Variants in CYB5B observed in about 807,000 individuals in gnomAD.
CYB5B encodes the protein cytochrome b5 type B (outer mitochondrial membrane).
Under a neutral mutation model 21.3 loss-of-function variants are expected in CYB5B, and 14 were observed. The observed-to-expected ratio is 0.66, with a 90% CI of 0.43 to 1.03. The LOEUF (loss-of-function observed/expected upper bound fraction) is 1.03, where lower values mean the gene tolerates loss of function less well. Among genes scored for constraint, CYB5B ranks in the 50% least tolerant of loss-of-function variants. CYB5B has a pLI of 0.00. For missense variants in CYB5B, 166 were observed against 185.1 expected, an observed-to-expected ratio of 0.90 and a Z score of 0.60; for synonymous variants, 69 against 68.4, an observed-to-expected ratio of 1.01 and a Z score of -0.04.
chr16:69,463,694 A>T lies in CYB5B; in HGVS notation c.*1174A>T, dbSNP rs986769101. On this transcript the variant is annotated 3_prime_UTR_variant, in exon 5 of 5. Transcript: ENST00000307892. ...CCATATAAAATGGTATTTGAAAGTG[A>T]GAGTTCATGACAACAGACCGTTTTC... 6.6e-6 allele frequency: 1 copy of T among 152,248 alleles called. No individual in the cohort carries two copies. Among genetic ancestry groups the T allele is most frequent in the Non-Finnish European group, 1.5e-5 (1 of 68,012 alleles). 9.4% of individuals were successfully genotyped at this position (152,248 alleles called of 1,614,324 possible). A position where few individuals can be genotyped will look rare whatever the true frequency, so the allele number is the denominator to read the frequency against.
chr16:69,425,261 C>T (rs752367519), intron 1 of CYB5B, among the ~76,000 whole-genome samples: 6 of 152,132 alleles, frequency 3.9e-5, no homozygotes, highest in Non-Finnish European at 7.4e-5. Flanking sequence ...TTCCAGTGTG[C>T]CTTCTGAAGT....
In CYB5B at chr16:69,462,731, G is replaced by A. The variant is rs548935986; in HGVS notation, c.*211G>A. On this transcript the variant is annotated 3_prime_UTR_variant, in exon 5 of 5. Coordinates refer to ENST00000307892, the MANE Select transcript of CYB5B (RefSeq NM_030579.3). ...TCCCAAAGTACCTGCTCACTGTTCC[G>A]TGTTGAACAATTGCCGGTGTTTCCT... is the stretch of plus-strand genomic sequence containing the variant. 19 of 520,396 alleles carry A rather than the reference G, an allele frequency of 3.7e-5. No individual in the cohort carries two copies. The highest frequency in any genetic ancestry group is 1.2e-4 in the South Asian group (5 of 43,478). The allele number at this position is 520,396 out of a possible 1,614,324, so 32.2% of individuals were successfully genotyped here. A position where few individuals can be genotyped will look rare whatever the true frequency, so the allele number is the denominator to read the frequency against.
At chr16:69,457,009 C>T (rs1004299894) in intron 3 of CYB5B, among the ~76,000 whole-genome samples, 1 of 152,142 alleles carries the variant, frequency 6.6e-6, no homozygotes, top group Non-Finnish European at 1.5e-5. Flanking sequence ...ATGCCTCTTT[C>T]TCTTCTCTTT....
At chr16:69,434,684 T>G (rs1348247792) in intron 1 of CYB5B, among the ~76,000 whole-genome samples, 1 of 152,068 alleles carries the variant, frequency 6.6e-6, no homozygotes, top group Non-Finnish European at 1.5e-5. Context: ...GCCAACATAG[T>G]GAAACCCCAT....
chr16:69,424,828 G>A lies in CYB5B; in HGVS notation c.145G>A (p.Val49Ile). Residue 49 changes from valine to isoleucine, a missense_variant, in exon 1 of 5, where the codon GTC (valine) becomes ATC (isoleucine). By Grantham distance (29) the Val-to-Ile change is conservative. Transcript: ENST00000307892. Reference sequence around the variant, plus strand: ...ACTGTGGCTTGTGATCCATGGGCGAGTCTACGATGTCACCCGCTTCCTCAA... The same window carrying A: ...ACTGTGGCTTGTGATCCATGGGCGAATCTACGATGTCACCCGCTTCCTCAA... ...KELWLVIHGRVYDVTRFLNEH... is the reference protein window; with the variant it reads ...KELWLVIHGRIYDVTRFLNEH... 1 of 1,595,420 alleles carries A rather than the reference G, an allele frequency of 6.3e-7. No individual in the cohort carries two copies. The highest frequency in any genetic ancestry group is 8.5e-7 in the Non-Finnish European group (1 of 1,170,882).
At chr16:69,428,998 C>G (rs1435779322) in intron 1 of CYB5B, among the ~76,000 whole-genome samples, 1 of 152,122 alleles carries the variant, frequency 6.6e-6, no homozygotes, top group Non-Finnish European at 1.5e-5. Flanking sequence ...TTAGGAAGGA[C>G]TTTGGCTTTT....
At chr16:69,436,957 C>G (rs2014766345) in intron 1 of CYB5B, among the ~76,000 whole-genome samples, 1 of 152,112 alleles carries the variant, frequency 6.6e-6, no homozygotes, top group Non-Finnish European at 1.5e-5. Context: ...TTTGTTGAAA[C>G]ATAGATTTTC....
intron 3 of CYB5B, among the ~76,000 whole-genome samples, chr16:69,452,136 C>T (rs951316624): frequency 2.6e-5 from 4 of 151,202 alleles, no homozygotes; most frequent in Non-Finnish European, 5.9e-5. Context: ...AAAAGCTGGC[C>T]GGGCGCGGTG....
chr16:69,448,486 G>T, intron 3 of CYB5B: 2 of 224,188 alleles, frequency 8.9e-6, no homozygotes, highest in Non-Finnish European at 8.6e-6. Context: ...GATAATAATT[G>T]TTTCTGTGTT....
At chr16:69,445,257 G>A (rs979000743) in intron 1 of CYB5B, among the ~76,000 whole-genome samples, 1 of 152,188 alleles carries the variant, frequency 6.6e-6, no homozygotes, top group Non-Finnish European at 1.5e-5. Flanking sequence ...ATAATAACAA[G>A]TGAATCGTGG....
At chr16:69,457,659 C>T (rs1295668118) in intron 3 of CYB5B, among the ~76,000 whole-genome samples, 1 of 152,072 alleles carries the variant, frequency 6.6e-6, no homozygotes, top group Admixed American at 6.5e-5. Context: ...TTTAATTAAT[C>T]GGATCCTTAC....
chr16:69,444,962 TC>T (rs1384227780), intron 1 of CYB5B, among the ~76,000 whole-genome samples: 1 of 152,238 alleles, frequency 6.6e-6, no homozygotes, highest in Non-Finnish European at 1.5e-5. Context: ...TGTTGTGCTT[TC>T]TCTTGTTTAT....
At chr16:69,454,023 A>G (rs1048820558) in intron 3 of CYB5B, among the ~76,000 whole-genome samples, 3 of 152,224 alleles carry the variant, frequency 2.0e-5, no homozygotes, top group Non-Finnish European at 4.4e-5. Context: ...CTTAGAAATG[A>G]TGTATAGTTT....
chr16:69,441,068 C>G (rs2014816777), intron 1 of CYB5B, among the ~76,000 whole-genome samples: 1 of 151,858 alleles, frequency 6.6e-6, no homozygotes, highest in African/African-American at 2.4e-5. Context: ...TAACATTTTG[C>G]AAGACTTTAG....
Position 69,459,114 on chromosome 16 carries a change from T to C in CYB5B, c.355T>C (p.Cys119Arg). Reference protein sequence around the residue: ...GSKDPSKNDTCKSCWAYWILP... With the variant: ...GSKDPSKNDTRKSCWAYWILP... ...TCAGGACCCTTCAAAAAATGATACA[T>C]GCAAAAGGTTAGTATCTCCTTAACA... Residue 119 changes from cysteine (C) to arginine (R), a missense_variant, in exon 4 of 5, where the codon TGC becomes CGC. By Grantham distance (180) the Cys-to-Arg change is radical. Transcript: ENST00000307892. 1 of 1,605,098 alleles carries C rather than the reference T, an allele frequency of 6.2e-7. No homozygotes were observed. The highest frequency in any genetic ancestry group is 8.5e-7 in the Non-Finnish European group (1 of 1,177,014).
chr16:69,438,391 A>G (rs944954808), intron 1 of CYB5B, among the ~76,000 whole-genome samples: 1 of 152,144 alleles, frequency 6.6e-6, no homozygotes, highest in African/African-American at 2.4e-5. Context: ...ATCTGTTTTT[A>G]ATTCATTTGG....
intron 3 of CYB5B, among the ~76,000 whole-genome samples, chr16:69,453,623 T>C (rs1408145503): frequency 1.3e-5 from 2 of 152,174 alleles, no homozygotes; most frequent in African/African-American, 4.8e-5. Flanking sequence ...AGTGGCGCGA[T>C]CTCGGCTCTG....
chr16:69,457,095 G>T (rs1458076957), intron 3 of CYB5B, among the ~76,000 whole-genome samples: 1 of 152,020 alleles, frequency 6.6e-6, no homozygotes, highest in Non-Finnish European at 1.5e-5. Context: ...GGCACATTTT[G>T]CAGTACTTAG....
intron 3 of CYB5B, among the ~76,000 whole-genome samples, chr16:69,455,413 T>C (rs1168184429): frequency 6.6e-6 from 1 of 150,986 alleles, no homozygotes; most frequent in Admixed American, 6.6e-5. Context: ...TTTTTTTTTT[T>C]TTTTTTGGTG....
Sources: allele counts gnomAD v4.1 joint callset (sites outside exome capture counted in the v4.1 genomes callset), GRCh38; gene constraint gnomAD v4.1.1; transcripts MANE v1.5; gene names NCBI Gene and HGNC (gene_info 2026-07-23, HGNC 2026-07-21).